SYN2: variants seen among roughly 807,000 people sequenced by gnomAD.
The protein encoded by SYN2 is synapsin II, also known as synapsin-2.
SYN2 carries 19 observed loss-of-function variants against 50.9 expected under a neutral mutation model. That is an observed-to-expected ratio of 0.37 (90% CI 0.26 to 0.55). The LOEUF (loss-of-function observed/expected upper bound fraction) is 0.55, where lower values mean the gene tolerates loss of function less well. Among genes scored for constraint, SYN2 ranks in the 20% least tolerant of loss-of-function variants. The probability of loss-of-function intolerance (pLI) is 0.81; values close to 1 mark genes in which losing one functional copy is unlikely to be tolerated. For synonymous variants in SYN2, 255 were observed against 224.9 expected (o/e 1.13, Z -1.20); for missense variants, 587 against 576.4 (o/e 1.02, Z -0.19).
chr3:12,153,181 C>G lies in SYN2; in HGVS notation c.774+1855C>G, dbSNP rs1250115191. On this transcript the variant is annotated intron_variant, in intron 5 of 12. Transcript: ENST00000621198. ...TGTGTATGACATTCGCCATTTCTCC[C>G]CTACCAGATCGATTAAGACAAAGGA... is the stretch of plus-strand genomic sequence containing the variant. 3 of 394,012 alleles carry G rather than the reference C, an allele frequency of 7.6e-6. No homozygotes were observed. In the Admixed American group the frequency reaches 1.1e-4, roughly 14 times the overall value. The allele number at this position is 394,012 out of a possible 1,614,324, so 24.4% of individuals were successfully genotyped here.
chr3:12,012,234 A>G (rs958984452), intron 1 of SYN2, among the ~76,000 whole-genome samples: 3 of 152,086 alleles, frequency 2.0e-5, no homozygotes, highest in Non-Finnish European at 4.4e-5. Context: ...AGAACCACAT[A>G]AATCTTAATT....
At chr3:12,079,697 C>T (rs1695547193) in intron 1 of SYN2, among the ~76,000 whole-genome samples, 1 of 152,042 alleles carries the variant, frequency 6.6e-6, no homozygotes, top group Non-Finnish European at 1.5e-5. Context: ...CTGCTGTATT[C>T]AGTTTGCCAG....
intron 1 of SYN2, among the ~76,000 whole-genome samples, chr3:12,068,143 C>T (rs752310468): frequency 6.6e-6 from 1 of 152,142 alleles, no homozygotes; most frequent in Admixed American, 6.6e-5. Flanking sequence ...CACTTGATAT[C>T]GCTCTTTTTT....
chr3:12,174,335 C>A (rs560190599), intron 10 of SYN2, among the ~76,000 whole-genome samples: 1 of 152,092 alleles, frequency 6.6e-6, no homozygotes, highest in African/African-American at 2.4e-5. Context: ...GTCCTGTCCC[C>A]CCAACATTGT....
intron 1 of SYN2, among the ~76,000 whole-genome samples, chr3:12,122,115 C>G (rs772236892): frequency 2.0e-5 from 3 of 152,130 alleles, no homozygotes; most frequent in Admixed American, 1.3e-4. Flanking sequence ...GATGAATGAC[C>G]GAACAACTGG....
At chr3:12,124,974 A>G (rs918989258) in intron 1 of SYN2, among the ~76,000 whole-genome samples, 2 of 152,182 alleles carry the variant, frequency 1.3e-5, no homozygotes, top group African/African-American at 4.8e-5. Context: ...TGTATGACAA[A>G]TAATGAAATT....
chr3:12,074,819 T>C (rs1695435355), intron 1 of SYN2, among the ~76,000 whole-genome samples: 1 of 152,020 alleles, frequency 6.6e-6, no homozygotes, highest in African/African-American at 2.4e-5. Flanking sequence ...AAGCCAGAGA[T>C]GAGAGAGAGG....
At chr3:12,022,128 G>A (rs936815669) in intron 1 of SYN2, among the ~76,000 whole-genome samples, 1 of 151,642 alleles carries the variant, frequency 6.6e-6, no homozygotes, top group Non-Finnish European at 1.5e-5. Flanking sequence ...ACTACATACA[G>A]GACTGACACC....
At chr3:12,088,799 A>C (rs550138252) in intron 1 of SYN2, among the ~76,000 whole-genome samples, 2 of 152,324 alleles carry the variant, frequency 1.3e-5, no homozygotes, top group South Asian at 4.1e-4. Flanking sequence ...ATGGAAAACA[A>C]ATCATCTCAC....
At chr3:12,128,579 A>C (rs1269561597) in intron 1 of SYN2, among the ~76,000 whole-genome samples, 1 of 152,220 alleles carries the variant, frequency 6.6e-6, no homozygotes, top group Non-Finnish European at 1.5e-5. Flanking sequence ...TTAATTTTTC[A>C]TATTATCATG....
chr3:12,152,363 G>A (rs1219416621), intron 5 of SYN2, among the ~76,000 whole-genome samples: 2 of 152,158 alleles, frequency 1.3e-5, no homozygotes, highest in East Asian at 1.9e-4. Context: ...TTTCCTTTCA[G>A]GGCAAGCCAG....
At chr3:12,173,611 C>T (rs933982223) in intron 10 of SYN2, among the ~76,000 whole-genome samples, 1 of 152,080 alleles carries the variant, frequency 6.6e-6, no homozygotes, top group African/African-American at 2.4e-5. Flanking sequence ...CTGAAATGGC[C>T]CTTGTCAAAG....
chr3:12,032,051 G>C (rs202234146), intron 1 of SYN2, among the ~76,000 whole-genome samples: 55,561 of 101,940 alleles, frequency 0.55, 17,629 homozygotes, highest in Non-Finnish European at 0.7. Flanking sequence ...GCGCTTCCTT[G>C]AGGAGCTCTT....
chr3:12,153,397 G>T, intron 5 of SYN2: 2 of 1,199,430 alleles, frequency 1.7e-6, no homozygotes, highest in Non-Finnish European at 2.5e-6. Context: ...CTGTCCACTT[G>T]GCACTTCTTA....
chr3:12,162,101 C>T lies in SYN2; in HGVS notation c.927C>T (p.Asp309=). ...QTYATAEPFI[D]SKYDIRVQKI... is the part of the protein sequence containing the mutation. ...ATGCCACTGCAGAGCCTTTCATTGA[C>T]TCCAAGTATGACATCCGGGTCCAGA... Residue 309 remains aspartate (D), a synonymous_variant, in exon 7 of 13, where the codon GAC becomes GAT. Transcript: ENST00000621198. 1 of 1,614,148 alleles carries T rather than the reference C, an allele frequency of 6.2e-7. No homozygotes were observed. The highest frequency in any genetic ancestry group is 1.1e-5 in the South Asian group (1 of 91,082).
At chr3:12,024,245 C>G (rs1012034978) in intron 1 of SYN2, among the ~76,000 whole-genome samples, 4 of 148,212 alleles carry the variant, frequency 2.7e-5, no homozygotes, top group African/African-American at 1.0e-4. Flanking sequence ...CAACATCCAC[C>G]TCCAGGGTTC....
At chr3:12,014,359 T>C (rs1274006197) in intron 1 of SYN2, among the ~76,000 whole-genome samples, 1 of 152,230 alleles carries the variant, frequency 6.6e-6, no homozygotes, top group African/African-American at 2.4e-5. Flanking sequence ...TATGTTAATA[T>C]GTTGGAAGTC....
intron 1 of SYN2, among the ~76,000 whole-genome samples, chr3:12,053,816 G>GT (rs1030646218): frequency 6.6e-6 from 1 of 152,064 alleles, no homozygotes; most frequent in African/African-American, 2.4e-5. Flanking sequence ...AAAAAATTAA[G>GT]TTTTTTGTAA....
chr3:12,093,349 T>G (rs1695867723), intron 1 of SYN2, among the ~76,000 whole-genome samples: 1 of 152,186 alleles, frequency 6.6e-6, no homozygotes, highest in African/African-American at 2.4e-5. Flanking sequence ...TAAGCTGCAA[T>G]GAAGAAATGC....
Sources: gnomAD v4.1 joint callset for allele counts (sites outside exome capture counted in the v4.1 genomes callset) on GRCh38, gnomAD v4.1.1 for gene constraint, MANE v1.5 for transcripts, NCBI Gene and HGNC (gene_info 2026-07-23, HGNC 2026-07-21) for gene names.